The following C1orf87 variants were observed in gnomAD, a reference collection of about 807,000 sequenced individuals.
C1orf87 encodes the protein chromosome 1 open reading frame 87, also known as uncharacterized protein C1orf87.
A neutral mutation model predicts 60.5 loss-of-function variants in C1orf87; 58 were observed. The ratio of observed to expected loss-of-function variants is 0.96; its 90% CI spans 0.78 to 1.19. C1orf87 has a LOEUF of 1.19. C1orf87 is among the 50% of genes most tolerant of loss of function. The pLI is 0.00. For synonymous variants in C1orf87, 236 were observed against 227.4 expected (o/e 1.04, Z -0.34); for missense variants, 673 against 638.6 (o/e 1.05, Z -0.58).
At chr1:60,012,874 C>G (rs138928222) in intron 8 of C1orf87, among the ~76,000 whole-genome samples, 1 of 152,124 alleles carries the variant, frequency 6.6e-6, no homozygotes, top group African/African-American at 2.4e-5. Flanking sequence ...CAAATCTATT[C>G]GAACGTAATG....
intron 9 of C1orf87, chr1:60,008,734 C>T (rs754598921): frequency 2.2e-5 from 10 of 453,716 alleles, no homozygotes; most frequent in East Asian, 7.0e-5. Context: ...TGAACAGCCA[C>T]GTGACATCAC....
At chr1:60,037,519 G>T (rs1433104960) in intron 6 of C1orf87, among the ~76,000 whole-genome samples, 1 of 152,158 alleles carries the variant, frequency 6.6e-6, no homozygotes, top group Non-Finnish European at 1.5e-5. Flanking sequence ...AGGCAAGGGT[G>T]AGAGATAAAC....
intron 2 of C1orf87, among the ~76,000 whole-genome samples, chr1:60,059,342 T>A (rs746673977): frequency 1.4e-4 from 22 of 152,224 alleles, no homozygotes; most frequent in Non-Finnish European, 2.8e-4. Context: ...CTTCCGCATA[T>A]GTACTTCTGA....
At position 60,054,978 on chromosome 1, in the gene C1orf87, ACTT is replaced by A. The variant is rs528499647; in HGVS notation, c.342+223_342+225del. 2.6e-4 allele frequency among the ~76,000 whole-genome samples: 40 copies of A among 152,302 alleles called. No homozygotes were observed. In the East Asian group the frequency reaches 7.5e-3, roughly 29 times the overall value. On this transcript the variant is annotated intron_variant, in intron 3 of 11. Coordinates refer to ENST00000371201, the MANE Select transcript of C1orf87 (RefSeq NM_152377.3). ...CCAACTCCATTGGTTGTCATGACCA[ACTT>A]CTTTGGTGATCATGACCAACTCCGT...
chr1:60,067,413 T>C (rs1272260156), intron 2 of C1orf87, among the ~76,000 whole-genome samples: 2 of 152,192 alleles, frequency 1.3e-5, no homozygotes, highest in Non-Finnish European at 2.9e-5. Flanking sequence ...CCATTCTAAC[T>C]GGTGTGATAT....
intron 3 of C1orf87, among the ~76,000 whole-genome samples, chr1:60,044,700 AAG>A (rs1271526979): frequency 2.0e-5 from 3 of 152,138 alleles, no homozygotes; most frequent in Admixed American, 6.5e-5. Context: ...TTCCAAAGTG[AAG>A]AGTGTTCCCC....
chr1:59,993,084 GA>G (rs1022615913), intron 11 of C1orf87, among the ~76,000 whole-genome samples: 3 of 151,922 alleles, frequency 2.0e-5, no homozygotes, highest in African/African-American at 7.3e-5. Context: ...ATGACTGTAA[GA>G]AAAAAAATGA....
intron 3 of C1orf87, among the ~76,000 whole-genome samples, chr1:60,054,331 A>G (rs1050580320): frequency 6.6e-6 from 1 of 152,208 alleles, no homozygotes; most frequent in African/African-American, 2.4e-5. Context: ...CCAAAATTTG[A>G]TCCTTTGCAT....
chr1:60,015,798 C>G (rs1645120673), intron 8 of C1orf87, among the ~76,000 whole-genome samples: 1 of 152,200 alleles, frequency 6.6e-6, no homozygotes, highest in Non-Finnish European at 1.5e-5. Flanking sequence ...GTCTCCCAGG[C>G]TGGAGTGCAG....
At chr1:59,999,667 T>C (rs1157939949) in intron 10 of C1orf87, among the ~76,000 whole-genome samples, 2 of 152,130 alleles carry the variant, frequency 1.3e-5, no homozygotes, top group Non-Finnish European at 2.9e-5. Context: ...CCACTGTATC[T>C]GGATGAAGTT....
intron 11 of C1orf87, among the ~76,000 whole-genome samples, chr1:59,993,078 C>T (rs997910200): frequency 6.6e-5 from 10 of 151,950 alleles, no homozygotes; most frequent in Non-Finnish European, 1.5e-4. Flanking sequence ...AAGTTTATGA[C>T]TGTAAGAAAA....
At chr1:60,070,354 CT>C (rs1240148271) in intron 2 of C1orf87, among the ~76,000 whole-genome samples, 1 of 151,982 alleles carries the variant, frequency 6.6e-6, no homozygotes, top group Non-Finnish European at 1.5e-5. Flanking sequence ...TTGGAGAAGC[CT>C]TTATTTTTTG....
chr1:59,996,180 A>C (rs1047873294), intron 11 of C1orf87, among the ~76,000 whole-genome samples: 1 of 152,208 alleles, frequency 6.6e-6, no homozygotes, highest in Non-Finnish European at 1.5e-5. Context: ...AAAACACACA[A>C]AGAGAATGAA....
intron 2 of C1orf87, among the ~76,000 whole-genome samples, chr1:60,069,313 A>G (rs1488662884): frequency 6.6e-6 from 1 of 152,176 alleles, no homozygotes; most frequent in Non-Finnish European, 1.5e-5. Context: ...TTCTTAATAT[A>G]TCAGGAAGGG....
chr1:60,044,250 T>C (rs1645349724), intron 3 of C1orf87, among the ~76,000 whole-genome samples: 1 of 152,130 alleles, frequency 6.6e-6, no homozygotes, highest in South Asian at 2.1e-4. Flanking sequence ...CAGGATGGTC[T>C]CGAACTCCTG....
intron 8 of C1orf87, among the ~76,000 whole-genome samples, chr1:60,022,701 A>G (rs940125447): frequency 1.3e-5 from 2 of 152,048 alleles, no homozygotes; most frequent in Admixed American, 1.3e-4. Flanking sequence ...CACATAAGAA[A>G]GTATTTTACA....
intron 9 of C1orf87, chr1:60,008,510 G>A (rs998143440): frequency 8.6e-6 from 2 of 233,290 alleles, no homozygotes; most frequent in African/African-American, 2.3e-5. Flanking sequence ...AGGTGATTAA[G>A]TAAAAATGAA....
At position 60,072,589 on chromosome 1, in the gene C1orf87, C is replaced by T. The variant is rs1447861359; in HGVS notation, c.55G>A (p.Val19Met). The T allele has an allele frequency of 6.2e-7, 1 of 1,613,252 alleles. No individual in the cohort carries two copies. Among genetic ancestry groups the T allele is most frequent in the African/African-American group, 1.3e-5 (1 of 75,046 alleles). Residue 19 changes from valine (V) to methionine (M), a missense_variant, in exon 2 of 12, where the codon GTG becomes ATG. By Grantham distance (21) the Val-to-Met change is conservative (BLOSUM62 1). Coordinates refer to ENST00000371201, the MANE Select transcript of C1orf87 (RefSeq NM_152377.3). Reference protein sequence around the residue: ...RGSDAMPEIMVKIIGSKHFQY... With the variant: ...RGSDAMPEIMMKIIGSKHFQY... ...AAGTGTTTACTTCCAATGATTTTCA[C>T]CATGATCTCAGGCATTGCATCTGAT...
intron 3 of C1orf87, among the ~76,000 whole-genome samples, chr1:60,042,724 G>C (rs1645335195): frequency 6.6e-6 from 1 of 152,234 alleles, no homozygotes; most frequent in Non-Finnish European, 1.5e-5. Context: ...GCTTGCAGAA[G>C]TTAAATAACT....
Sources: gnomAD v4.1 joint callset for allele counts (sites outside exome capture counted in the v4.1 genomes callset) on GRCh38, gnomAD v4.1.1 for gene constraint, MANE v1.5 for transcripts, NCBI Gene and HGNC (gene_info 2026-07-23, HGNC 2026-07-21) for gene names.